The following OXR1 variants were observed in gnomAD, a reference collection of about 807,000 sequenced individuals.
The protein encoded by OXR1 is oxidation resistance protein 1.
Under a neutral mutation model 104.6 loss-of-function variants are expected in OXR1, and 41 were observed. The ratio of observed to expected loss-of-function variants is 0.39; its 90% CI spans 0.31 to 0.51. The LOEUF (loss-of-function observed/expected upper bound fraction) is 0.51, where lower values mean the gene tolerates loss of function less well. OXR1 is among the 20% of genes least tolerant of loss of function. The pLI is 0.77. For missense variants in OXR1, 955 were observed against 1,031.9 expected, an observed-to-expected ratio of 0.93 and a Z score of 1.02; for synonymous variants, 348 against 348.4, an observed-to-expected ratio of 1.00 and a Z score of 0.01.
chr8:106,737,131 G>C (rs934624392), intron 11 of OXR1, among the ~76,000 whole-genome samples: 5 of 152,012 alleles, frequency 3.3e-5, no homozygotes, highest in African/African-American at 9.7e-5. Flanking sequence ...TGATTTGGAG[G>C]GGGTAGTTGA....
rs79891933 is a variant in OXR1 at position 106,309,306 on chromosome 8, T to C, written c.-139+38939T>C. ...AAATTCTTATATTGAGCAAAACATC[T>C]TCAGAAAAATAAAATCAATTCTGTA... On this transcript the variant is annotated intron_variant, in intron 1 of 16. Coordinates refer to ENST00000517566, the MANE Select transcript of OXR1 (RefSeq NM_001198533.2). 3.5e-3 allele frequency among the ~76,000 whole-genome samples: 535 copies of C among 152,276 alleles called. 4 individuals carry two copies. Among genetic ancestry groups the C allele is most frequent in the African/African-American group, 0.011 (468 of 41,560 alleles).
intron 2 of OXR1, among the ~76,000 whole-genome samples, chr8:106,479,952 A>G (rs930297698): frequency 1.3e-5 from 2 of 151,968 alleles, no homozygotes; most frequent in African/African-American, 4.8e-5. Context: ...CAATGTTTTC[A>G]GTTGTGAAGT....
chr8:106,503,458 C>T (rs150347226), intron 2 of OXR1, among the ~76,000 whole-genome samples: 12 of 152,240 alleles, frequency 7.9e-5, no homozygotes, highest in Non-Finnish European at 1.3e-4. Context: ...GAGATTAGAG[C>T]AAGGTTTTCA....
At chr8:106,708,777 T>G (rs189968491) in intron 9 of OXR1, among the ~76,000 whole-genome samples, 11 of 152,266 alleles carry the variant, frequency 7.2e-5, no homozygotes, top group Non-Finnish European at 1.5e-4. Context: ...GAGTTTTTTT[T>G]GGGTATATTC....
intron 3 of OXR1, among the ~76,000 whole-genome samples, chr8:106,670,642 C>T (rs181292564): frequency 6.6e-6 from 1 of 151,926 alleles, no homozygotes; most frequent in East Asian, 1.9e-4. Flanking sequence ...ATGGATTTAG[C>T]AGCAAATTAG....
chr8:106,588,161 A>G (rs201955865), intron 3 of OXR1, among the ~76,000 whole-genome samples: 1 of 152,016 alleles, frequency 6.6e-6, no homozygotes, highest in Non-Finnish European at 1.5e-5. Flanking sequence ...GGGTTTCACC[A>G]TGTTAGCCAG....
chr8:106,579,151 T>A (rs1413498023), intron 3 of OXR1, among the ~76,000 whole-genome samples: 1 of 152,158 alleles, frequency 6.6e-6, no homozygotes, highest in East Asian at 1.9e-4. Flanking sequence ...ACTCTGGGTT[T>A]CTGGCTTGCC....
chr8:106,289,303 A>G (rs189020845), intron 1 of OXR1, among the ~76,000 whole-genome samples: 91 of 152,354 alleles, frequency 6.0e-4, no homozygotes, highest in African/African-American at 2.1e-3. Flanking sequence ...CTGATAAGCT[A>G]TTTTAATAAG....
chr8:106,488,052 T>G (rs1246707847), intron 2 of OXR1, among the ~76,000 whole-genome samples: 4,853 of 134,474 alleles, frequency 0.036, 96 homozygotes, highest in African/African-American at 0.052. Context: ...GTGTAAAAGT[T>G]TTCCTATTTC....
chr8:106,457,433 T>C (rs546238242), intron 2 of OXR1, among the ~76,000 whole-genome samples: 2 of 152,192 alleles, frequency 1.3e-5, no homozygotes, highest in Non-Finnish European at 2.9e-5. Context: ...CCAGACTGTG[T>C]TATTCTCTTA....
chr8:106,335,831 C>T (rs1393285805), intron 1 of OXR1, among the ~76,000 whole-genome samples: 3 of 152,058 alleles, frequency 2.0e-5, no homozygotes, highest in Non-Finnish European at 4.4e-5. Context: ...TGCGGTGGCT[C>T]ATGCCTGTAA....
chr8:106,432,522 G>A (rs754607752), intron 2 of OXR1, among the ~76,000 whole-genome samples: 3 of 152,090 alleles, frequency 2.0e-5, no homozygotes, highest in South Asian at 4.2e-4. Context: ...TCCTCCCACC[G>A]TCTTGTCTCA....
chr8:106,385,160 C>A (rs1817324329), intron 2 of OXR1, among the ~76,000 whole-genome samples: 1 of 152,176 alleles, frequency 6.6e-6, no homozygotes, highest in Non-Finnish European at 1.5e-5. Flanking sequence ...CATCCTAGGG[C>A]AGGACTGTGC....
intron 1 of OXR1, among the ~76,000 whole-genome samples, chr8:106,281,664 C>G (rs1186425527): frequency 6.6e-6 from 1 of 151,820 alleles, no homozygotes; most frequent in Non-Finnish European, 1.5e-5. Flanking sequence ...GCCGGGTGCA[C>G]TGGCGCACGC....
intron 2 of OXR1, among the ~76,000 whole-genome samples, chr8:106,515,793 G>T (rs531670750): frequency 6.6e-6 from 1 of 152,232 alleles, no homozygotes; most frequent in East Asian, 1.9e-4. Context: ...TTAGGAAAAA[G>T]TAGATAAAGC....
At chr8:106,439,120 C>G (rs1819687726) in intron 2 of OXR1, among the ~76,000 whole-genome samples, 1 of 152,056 alleles carries the variant, frequency 6.6e-6, no homozygotes, top group Non-Finnish European at 1.5e-5. Flanking sequence ...CGAATTTCTG[C>G]GTCTCTTTAA....
At chr8:106,362,957 T>C (rs1299692219) in intron 2 of OXR1, among the ~76,000 whole-genome samples, 1 of 152,184 alleles carries the variant, frequency 6.6e-6, no homozygotes, top group African/African-American at 2.4e-5. Flanking sequence ...GCTCAACTGA[T>C]TTTGCAAGAT....
chr8:106,617,723 CT>C (rs1474501820), intron 3 of OXR1, among the ~76,000 whole-genome samples: 7 of 152,196 alleles, frequency 4.6e-5, no homozygotes, highest in Non-Finnish European at 5.9e-5. Context: ...CTTATCAAAT[CT>C]GCTACCTGTT....
At chr8:106,396,178 T>C (rs989715052) in intron 2 of OXR1, among the ~76,000 whole-genome samples, 2 of 152,136 alleles carry the variant, frequency 1.3e-5, no homozygotes, top group African/African-American at 4.8e-5. Context: ...TATGTAGATA[T>C]AACCCCCTCC....
Sources: gnomAD v4.1 joint callset for allele counts (sites outside exome capture counted in the v4.1 genomes callset) on GRCh38, gnomAD v4.1.1 for gene constraint, MANE v1.5 for transcripts, NCBI Gene and HGNC (gene_info 2026-07-23, HGNC 2026-07-21) for gene names.